Variants in NEK6 observed in about 807,000 individuals in gnomAD.
NEK6 encodes serine/threonine-protein kinase Nek6.
In NEK6, 27 loss-of-function variants were observed where a neutral mutation model predicts 43.5. The observed-to-expected ratio is 0.62, with a 90% confidence interval of 0.46 to 0.86. NEK6 has a LOEUF of 0.86. NEK6 is among the 40% of genes least tolerant of loss of function. The probability of loss-of-function intolerance (pLI) is 0.00; values close to 1 mark genes in which losing one functional copy is unlikely to be tolerated. For missense variants in NEK6, 318 were observed against 414.4 expected (o/e 0.77, Z 2.02); for synonymous variants, 167 against 164.1 (o/e 1.02, Z -0.14).
At chr9:124,350,531 C>T (rs1030546288) in intron 9 of NEK6, among the ~76,000 whole-genome samples, 1 of 142,344 alleles carries the variant, frequency 7.0e-6, no homozygotes, top group Admixed American at 7.0e-5. Flanking sequence ...CACACACACA[C>T]AATTTGCCCA....
chr9:124,336,893 C>T (rs1425467611), intron 7 of NEK6, among the ~76,000 whole-genome samples: 1 of 152,012 alleles, frequency 6.6e-6, no homozygotes. Context: ...CCTGTAATCC[C>T]AGCTACTCAG....
intron 8 of NEK6, 137 bp downstream of exon 8, chr9:124,339,802 G>A (rs1829500660): frequency 1.9e-5 from 13 of 681,156 alleles, no homozygotes; most frequent in Non-Finnish European, 3.2e-5. Flanking sequence ...GTACCACCAG[G>A]GCCCTGTCCT....
chr9:124,341,883 T>G lies in NEK6; in HGVS notation c.717+2218T>G, dbSNP rs78197473. ...TGTAGGGCCCTGTGTGCCTGCACAT[T>G]CCGAACAGCCCCGGGGAGGGTGCGT... is the stretch of plus-strand genomic sequence containing the variant. On this transcript the variant is annotated intron_variant, in intron 8 of 9. Coordinates refer to ENST00000320246, the MANE Select transcript of NEK6 (RefSeq NM_014397.6). Among the ~76,000 whole-genome samples the G allele has an allele frequency of 3.7e-3, 563 of 152,224 alleles. 4 individuals are homozygous for G. Among genetic ancestry groups the G allele is most frequent in the African/African-American group, 0.012 (511 of 41,524 alleles).
At chr9:124,287,123 G>A (rs890500312) in intron 1 of NEK6, among the ~76,000 whole-genome samples, 2 of 152,176 alleles carry the variant, frequency 1.3e-5, no homozygotes, top group Non-Finnish European at 2.9e-5. Context: ...GGTCAGGAGC[G>A]TACAGGGTGC....
intron 5 of NEK6, among the ~76,000 whole-genome samples, chr9:124,323,829 G>T (rs1170049279): frequency 6.6e-6 from 1 of 152,176 alleles, no homozygotes; most frequent in African/African-American, 2.4e-5. Flanking sequence ...TGCCAGGCCT[G>T]GGATGGGGTG....
chr9:124,348,815 C>T (rs1313312248), intron 9 of NEK6, among the ~76,000 whole-genome samples: 1 of 152,268 alleles, frequency 6.6e-6, no homozygotes, highest in Non-Finnish European at 1.5e-5. Context: ...ACGATAATAA[C>T]AGCTCATGTT....
chr9:124,293,108 C>T lies in NEK6; in HGVS notation c.-29-8828C>T, dbSNP rs1832507208. ...CTCCTAGAGTGAGACCGCAGCTCTC[C>T]CCAGCTGCATTGTGGTCACCAAGGA... On this transcript the variant is annotated intron_variant, in intron 1 of 9. Transcript: ENST00000320246. 1.3e-5 allele frequency: 17 copies of T among 1,303,946 alleles called. 1 individual carries two copies. The South Asian group carries it at 3.1e-4, about 24-fold the overall frequency. 80.8% of individuals were successfully genotyped at this position (1,303,946 alleles called of 1,614,324 possible). A position where few individuals can be genotyped will look rare whatever the true frequency, so the allele number is the denominator to read the frequency against.
Position 124,301,971 on chromosome 9 carries a change from G to A in NEK6, c.7G>A (p.Gly3Arg). Residue 3 changes from glycine (G) to arginine (R), a missense_variant, in exon 2 of 10, where the codon GGA (glycine) becomes AGA (arginine). Physicochemically the swap from Gly to Arg is moderately radical, Grantham distance 125. This residue lies in a region of NEK6 where 239 missense variants were observed against 344.4 expected (regional missense o/e 0.69). Coordinates refer to ENST00000320246, the MANE Select transcript of NEK6 (RefSeq NM_014397.6). Reference protein sequence around the residue: MAGQPGHMPHGGS... With the variant: MARQPGHMPHGGS... ...CGTGAGGCTGGCATGCAGGATGGCA[G>A]GACAGCCCGGCCACATGCCCCATGG... 6.3e-7 allele frequency: 1 copy of A among 1,598,940 alleles called. No individual in the cohort carries two copies. The highest frequency in any genetic ancestry group is 8.5e-7 in the Non-Finnish European group (1 of 1,172,624).
chr9:124,314,762 G>A (rs912725297), intron 4 of NEK6, among the ~76,000 whole-genome samples: 2 of 152,066 alleles, frequency 1.3e-5, no homozygotes, highest in East Asian at 1.9e-4. Flanking sequence ...CCACCTTCTC[G>A]GTTCAAGCAG....
At chr9:124,283,519 G>A (rs780058168) in intron 1 of NEK6, among the ~76,000 whole-genome samples, 4 of 152,194 alleles carry the variant, frequency 2.6e-5, no homozygotes, top group Non-Finnish European at 5.9e-5. Flanking sequence ...TTGGTATCGC[G>A]GGAGGGAGGG....
At chr9:124,260,859 T>G (rs2118844126) in intron 1 of NEK6, among the ~76,000 whole-genome samples, 1 of 152,338 alleles carries the variant, frequency 6.6e-6, no homozygotes, top group Non-Finnish European at 1.5e-5. Flanking sequence ...GACCATGTGC[T>G]AATACGCAGC....
chr9:124,318,972 A>G (rs995713691), intron 4 of NEK6, among the ~76,000 whole-genome samples: 16 of 139,072 alleles, frequency 1.2e-4, no homozygotes, highest in South Asian at 7.0e-4. Flanking sequence ...CGCCCAGCCT[A>G]TTTACTTATT....
At chr9:124,332,811 T>TA (rs1174812280) in intron 7 of NEK6, among the ~76,000 whole-genome samples, 3 of 152,142 alleles carry the variant, frequency 2.0e-5, no homozygotes, top group Non-Finnish European at 4.4e-5. Context: ...TCTCCTCTGA[T>TA]ATCTGCTGGG....
At position 124,352,019 on chromosome 9, in the gene NEK6, GTTCC is replaced by G. The variant is rs1192336021; in HGVS notation, c.*1075_*1078del. 1 of 152,686 alleles carries G rather than the reference GTTCC, an allele frequency of 6.5e-6. No individual in the cohort carries two copies. The highest frequency in any genetic ancestry group is 2.4e-5 in the African/African-American group (1 of 41,464). The allele number at this position is 152,686 out of a possible 1,614,324, so 9.5% of individuals were successfully genotyped here. On this transcript the variant is annotated 3_prime_UTR_variant, in exon 10 of 10. Transcript: ENST00000320246. ...ATCATGTGTAGGAAACCAGAAATGT[GTTCC>G]TTATTTCTTGTTCCCAAACAGGATT... is the stretch of plus-strand genomic sequence containing the variant.
chr9:124,292,872 GAC>G, intron 1 of NEK6: 1 of 1,458,080 alleles, frequency 6.9e-7, no homozygotes, highest in Non-Finnish European at 9.1e-7. Context: ...ATGAATTAGA[GAC>G]AGCACGGGGG....
rs76697254 is a variant in NEK6 at position 124,328,910 on chromosome 9, C to T, written c.622+1465C>T. 1.6e-3 allele frequency among the ~76,000 whole-genome samples: 250 copies of T among 152,232 alleles called. 6 individuals carry two copies. The East Asian group carries it at 0.046, about 28-fold the overall frequency. On this transcript the variant is annotated intron_variant, in intron 7 of 9. Transcript: ENST00000320246. ...GGAAGATGTGTAGGGACCCACCCCCCAGGGAGTATGGGACGTTCCACTCAT... is the reference window on the plus strand; with the variant it reads ...GGAAGATGTGTAGGGACCCACCCCCTAGGGAGTATGGGACGTTCCACTCAT...
chr9:124,351,070 A>C lies in NEK6; in HGVS notation c.*123A>C. On this transcript the variant is annotated 3_prime_UTR_variant, in exon 10 of 10. Transcript: ENST00000320246. ...ACCACAGGGTTCAGCAGGTTCCCCA[A>C]AAGGCTGCCCAGCCTTACAGCAGAT... 2 of 650,084 alleles carry C rather than the reference A, an allele frequency of 3.1e-6. No homozygotes were observed. Among genetic ancestry groups the C allele is most frequent in the African/African-American group, 1.8e-5 (1 of 55,114 alleles). 40.3% of individuals were successfully genotyped at this position (650,084 alleles called of 1,614,324 possible). A position where few individuals can be genotyped will look rare whatever the true frequency, so the allele number is the denominator to read the frequency against.
intron 1 of NEK6, among the ~76,000 whole-genome samples, chr9:124,264,390 G>A (rs545635445): frequency 6.6e-5 from 10 of 152,292 alleles, no homozygotes; most frequent in South Asian, 6.2e-4. Flanking sequence ...TCCGGAAAAC[G>A]GGCCAGTAAC....
At chr9:124,259,253 G>C (rs2282084) in intron 1 of NEK6, 48,056 of 152,070 alleles carry the variant, frequency 0.32, 7,768 homozygotes, top group South Asian at 0.36. Context: ...TCCCTAGTTG[G>C]TCTGACTTTT....
Sources: gnomAD v4.1 joint callset for allele counts (sites outside exome capture counted in the v4.1 genomes callset) on GRCh38, gnomAD v4.1.1 for gene constraint, gnomAD v4.1.1 regional missense constraint, MANE v1.5 for transcripts, NCBI Gene and HGNC (gene_info 2026-07-23, HGNC 2026-07-21) for gene names.